The following GABRG2 variants were observed in gnomAD, a reference collection of about 807,000 sequenced individuals.
The protein encoded by GABRG2 is gamma-aminobutyric acid receptor subunit gamma-2.
In GABRG2, 16 loss-of-function variants were observed where a neutral mutation model predicts 56.4. The observed-to-expected ratio is 0.28, with a 90% confidence interval of 0.19 to 0.43. The LOEUF is 0.43. Among genes scored for constraint, GABRG2 ranks in the 20% least tolerant of loss-of-function variants. The pLI, the probability that GABRG2 is intolerant of heterozygous loss-of-function variation, is 1.00. For synonymous variants in GABRG2, 208 were observed against 205.5 expected (o/e 1.01, Z -0.10); for missense variants, 327 against 582.7 (o/e 0.56, Z 4.52).
intron 6 of GABRG2, among the ~76,000 whole-genome samples, chr5:162,133,518 G>T (rs1324394105): frequency 6.6e-6 from 1 of 152,082 alleles, no homozygotes; most frequent in African/African-American, 2.4e-5. Flanking sequence ...CCAGGAAATT[G>T]CTGTCTCTTT....
chr5:162,114,734 T>C (rs965841909), intron 6 of GABRG2, among the ~76,000 whole-genome samples: 3 of 152,198 alleles, frequency 2.0e-5, no homozygotes, highest in Non-Finnish European at 4.4e-5. Context: ...ACTGGGCTTA[T>C]GTATCATAAA....
chr5:162,147,677 A>C (rs1765067737), intron 7 of GABRG2, among the ~76,000 whole-genome samples: 1 of 152,034 alleles, frequency 6.6e-6, no homozygotes, highest in African/African-American at 2.4e-5. Context: ...CCTGTTTCGA[A>C]GTTTCCCTAG....
intron 6 of GABRG2, among the ~76,000 whole-genome samples, chr5:162,110,314 T>C (rs1368627061): frequency 1.3e-5 from 2 of 152,114 alleles, no homozygotes; most frequent in Admixed American, 1.3e-4. Flanking sequence ...TCTCCCATCA[T>C]ACTGTTCCCT....
chr5:162,154,990 C>A lies in GABRG2; in HGVS notation c.*1622C>A, dbSNP rs1765614695. 6.6e-6 allele frequency: 1 copy of A among 152,004 alleles called. No individual in the cohort carries two copies. Among genetic ancestry groups the A allele is most frequent in the Admixed American group, 6.6e-5 (1 of 15,222 alleles). The allele number at this position is 152,004 out of a possible 1,614,324, so 9.4% of individuals were successfully genotyped here. A position where few individuals can be genotyped will look rare whatever the true frequency, so the allele number is the denominator to read the frequency against. On this transcript the variant is annotated 3_prime_UTR_variant, in exon 10 of 10. Transcript: ENST00000639213. Reference sequence around the variant, plus strand: ...GAATCCTTATTTTTCTAAAATAGCACCCTTTGTTAATTATTTTTATGGAAA... The same window carrying A: ...GAATCCTTATTTTTCTAAAATAGCAACCTTTGTTAATTATTTTTATGGAAA...
At position 162,153,291 on chromosome 5, in the gene GABRG2, T is replaced by G. The variant is rs1353101250; in HGVS notation, c.1351T>G (p.Ser451Ala). ...RIHIRIAKMD[S>A]YARIFFPTAF... ...ACATATCCGCATTGCCAAAATGGACTCCTATGCTCGGATCTTCTTCCCCAC... is the reference window on the plus strand; with the variant it reads ...ACATATCCGCATTGCCAAAATGGACGCCTATGCTCGGATCTTCTTCCCCAC... Residue 451 changes from serine (S) to alanine (A), a missense_variant, in exon 10 of 10, where the codon TCC becomes GCC. Transcript: ENST00000639213. 6.2e-7 allele frequency: 1 copy of G among 1,614,062 alleles called. No homozygotes were observed. The highest frequency in any genetic ancestry group is 2.2e-5 in the East Asian group (1 of 44,874).
At chr5:162,096,793 A>G (rs578204935) in intron 3 of GABRG2, among the ~76,000 whole-genome samples, 3 of 151,966 alleles carry the variant, frequency 2.0e-5, no homozygotes, top group African/African-American at 7.2e-5. Context: ...TGATATGTAT[A>G]CTTGATGGAA....
chr5:162,081,214 A>G (rs1488656752), intron 1 of GABRG2, among the ~76,000 whole-genome samples: 1 of 152,144 alleles, frequency 6.6e-6, no homozygotes, highest in Middle Eastern at 3.4e-3. Flanking sequence ...TCTCCCAAAA[A>G]ATTTTTTAAA....
chr5:162,118,093 T>C (rs1561650377), intron 6 of GABRG2, among the ~76,000 whole-genome samples: 1 of 151,990 alleles, frequency 6.6e-6, no homozygotes, highest in Non-Finnish European at 1.5e-5. Flanking sequence ...TAGTGGTGAT[T>C]TGGTATAGCA....
intron 9 of GABRG2, chr5:162,152,453 C>T: frequency 2.1e-6 from 1 of 481,830 alleles, no homozygotes; most frequent in African/African-American, 2.0e-5. Flanking sequence ...CAAGTAGTAA[C>T]CTTCTTTTCT....
chr5:162,096,939 A>G, intron 3 of GABRG2, among the ~76,000 whole-genome samples: 1 of 152,244 alleles, frequency 6.6e-6, no homozygotes, highest in Admixed American at 6.5e-5. Context: ...GTAAGTAAAT[A>G]GTGAAAAAAA....
At chr5:162,067,718 C>T (rs772816792), upstream of GABRG2, 94 of 609,246 alleles carry the variant, frequency 1.5e-4, no homozygotes, top group Admixed American at 3.8e-4. Context: ...ATGAGTCTCT[C>T]CTTGTACCCT....
At chr5:162,067,548 T>C (rs769215750), upstream of GABRG2, 5 of 426,372 alleles carry the variant, frequency 1.2e-5, no homozygotes, top group Non-Finnish European at 2.1e-5. Context: ...TTATTTTAAA[T>C]ACACACACCC....
intron 6 of GABRG2, 151 bp from the exon 7 acceptor site, chr5:162,142,013 A>T: frequency 1.0e-6 from 1 of 973,910 alleles, no homozygotes; most frequent in Non-Finnish European, 1.6e-6. Context: ...TTTGTTTTTT[A>T]ACCCAAGCGG....
Position 162,133,060 on chromosome 5 carries a change from T to C in GABRG2, c.770-9104T>C, listed in dbSNP as rs1763869001. 2.0e-5 allele frequency among the ~76,000 whole-genome samples: 3 copies of C among 151,946 alleles called. No homozygotes were observed. In the South Asian group the frequency reaches 6.2e-4, roughly 31 times the overall value. On this transcript the variant is annotated intron_variant, in intron 6 of 9. Coordinates refer to ENST00000639213, the MANE Select transcript of GABRG2 (RefSeq NM_198904.4). ...TGACTGTAATAGTGTATTACTGGCT[T>C]TCATGGATGCATTAATATTAGTAGA...
rs1554098562 is a variant in GABRG2 at position 162,109,389 on chromosome 5, A to ATAT, written c.769+5363_769+5364insTAT. 1.5e-3 allele frequency among the ~76,000 whole-genome samples: 175 copies of ATAT among 116,220 alleles called. 9 individuals carry two copies. The highest frequency in any genetic ancestry group is 6.4e-3 in the African/African-American group (167 of 25,988). The allele number at this position is 116,220 out of a possible 152,430, so 76.2% of individuals were successfully genotyped here. On this transcript the variant is annotated intron_variant, in intron 6 of 9. Coordinates refer to ENST00000639213, the MANE Select transcript of GABRG2 (RefSeq NM_198904.4). Reference sequence around the variant, plus strand: ...ACATGTACCCTAGAACTTAAAGTATAATATATATATATATATATATATATA... The same window carrying ATAT: ...ACATGTACCCTAGAACTTAAAGTATATATATATATATATATATATATATATATA...
chr5:162,068,617 G>T (rs1758417568), intron 1 of GABRG2, among the ~76,000 whole-genome samples: 1 of 152,112 alleles, frequency 6.6e-6, no homozygotes, highest in South Asian at 2.1e-4. Flanking sequence ...AGGTCAGTCA[G>T]CCAGGTTTTG....
intron 1 of GABRG2, among the ~76,000 whole-genome samples, chr5:162,083,045 C>T (rs1377043392): frequency 6.6e-6 from 1 of 151,422 alleles, no homozygotes; most frequent in African/African-American, 2.4e-5. Context: ...AAAAGATGAA[C>T]AAGAAAAATT....
chr5:162,103,951 A>G lies in GABRG2; in HGVS notation c.694A>G (p.Thr232Ala). ...WKRSSVEVGD[T>A]RSWRLYQFSF... ...GCGAAGTTCTGTTGAAGTGGGCGAC[A>G]CAAGATCCTGGAGGCTTTATCAATT... Residue 232 changes from threonine (T) to alanine (A), a missense_variant, in exon 6 of 10, where the codon ACA becomes GCA. Transcript: ENST00000639213. The G allele has an allele frequency of 6.2e-7, 1 of 1,614,034 alleles. No individual in the cohort carries two copies. The highest frequency in any genetic ancestry group is 8.5e-7 in the Non-Finnish European group (1 of 1,179,942).
At chr5:162,136,275 A>G (rs376320768) in intron 6 of GABRG2, among the ~76,000 whole-genome samples, 93 of 152,270 alleles carry the variant, frequency 6.1e-4, no homozygotes, top group Middle Eastern at 3.4e-3. Flanking sequence ...GCACTGTCCA[A>G]TTGAATGTTC....
Sources: gnomAD v4.1 joint callset for allele counts (sites outside exome capture counted in the v4.1 genomes callset) on GRCh38, gnomAD v4.1.1 for gene constraint, MANE v1.5 for transcripts, NCBI Gene and HGNC (gene_info 2026-07-23, HGNC 2026-07-21) for gene names.